The following SLC35F1 variants were observed in gnomAD, a reference collection of about 807,000 sequenced individuals.
The protein encoded by SLC35F1 is solute carrier family 35 member F1.
In SLC35F1, 14 loss-of-function variants were observed where a neutral mutation model predicts 48.7. The ratio of observed to expected loss-of-function variants is 0.29; its 90% confidence interval spans 0.19 to 0.45. The LOEUF is 0.45. SLC35F1 is among the 20% of genes least tolerant of loss of function. SLC35F1 has a pLI of 1.00. For missense variants in SLC35F1, 404 were observed against 500.0 expected (o/e 0.81, Z 1.83); for synonymous variants, 190 against 202.2 (o/e 0.94, Z 0.51).
chr6:118,308,577 A>G (rs1776338700), intron 7 of SLC35F1, among the ~76,000 whole-genome samples: 1 of 152,196 alleles, frequency 6.6e-6, no homozygotes. Flanking sequence ...TGCAGATTCC[A>G]AGACTCTACC....
At chr6:117,990,082 T>C (rs1402647431) in intron 1 of SLC35F1, among the ~76,000 whole-genome samples, 7 of 152,166 alleles carry the variant, frequency 4.6e-5, no homozygotes, top group Non-Finnish European at 1.0e-4. Context: ...TGAGAGTTTT[T>C]ATTTCCCTTG....
At chr6:117,971,164 A>C (rs545743196) in intron 1 of SLC35F1, among the ~76,000 whole-genome samples, 89 of 152,320 alleles carry the variant, frequency 5.8e-4, no homozygotes, top group African/African-American at 1.7e-3. Flanking sequence ...AAGTGGGAGA[A>C]ATTGGCCAAA....
At chr6:118,270,019 C>A (rs1450780348) in intron 4 of SLC35F1, among the ~76,000 whole-genome samples, 1 of 152,196 alleles carries the variant, frequency 6.6e-6, no homozygotes, top group African/African-American at 2.4e-5. Context: ...CAGAGCAAGA[C>A]TCTACCTCAA....
chr6:118,139,136 G>A (rs897074018), intron 1 of SLC35F1, among the ~76,000 whole-genome samples: 13 of 151,878 alleles, frequency 8.6e-5, no homozygotes, highest in Non-Finnish European at 1.8e-4. Flanking sequence ...TTTTTGAGAC[G>A]GAGTCTCGCT....
intron 1 of SLC35F1, among the ~76,000 whole-genome samples, chr6:118,011,823 C>T (rs1207875967): frequency 2.0e-5 from 3 of 152,092 alleles, no homozygotes; most frequent in African/African-American, 7.2e-5. Flanking sequence ...ACAGAATTAT[C>T]CAGCTCAAAT....
At chr6:118,208,156 A>G (rs1582730332) in intron 2 of SLC35F1, among the ~76,000 whole-genome samples, 2 of 151,916 alleles carry the variant, frequency 1.3e-5, no homozygotes, top group East Asian at 1.9e-4. Context: ...CCTCTGCTGC[A>G]GTGGTACCCC....
intron 1 of SLC35F1, among the ~76,000 whole-genome samples, chr6:118,103,360 C>T (rs1324274401): frequency 6.6e-6 from 1 of 152,178 alleles, no homozygotes; most frequent in Non-Finnish European, 1.5e-5. Flanking sequence ...TGTTGATGTG[C>T]TGCACCCATT....
At chr6:118,037,016 G>T (rs980173654) in intron 1 of SLC35F1, among the ~76,000 whole-genome samples, 1 of 152,076 alleles carries the variant, frequency 6.6e-6, no homozygotes, top group African/African-American at 2.4e-5. Context: ...TCTCTACTCT[G>T]TTTTCTGATG....
intron 1 of SLC35F1, among the ~76,000 whole-genome samples, chr6:117,980,043 C>CT (rs1489723688): frequency 1.8e-4 from 27 of 152,098 alleles, no homozygotes; most frequent in African/African-American, 5.6e-4. Flanking sequence ...GCCTCTGATT[C>CT]TTTTTACTCA....
chr6:118,296,716 A>G (rs1761620), intron 7 of SLC35F1, among the ~76,000 whole-genome samples: 16,194 of 152,236 alleles, frequency 0.11, 957 homozygotes, highest in Middle Eastern at 0.19. Flanking sequence ...GGCTAGAGGT[A>G]CTGCAGAAGT....
chr6:118,071,253 A>G (rs566275847), intron 1 of SLC35F1, among the ~76,000 whole-genome samples: 1 of 149,508 alleles, frequency 6.7e-6, no homozygotes, highest in South Asian at 2.1e-4. Context: ...TACTGCTTAC[A>G]GTATTGCTAT....
chr6:118,062,728 A>G (rs905149376), intron 1 of SLC35F1, among the ~76,000 whole-genome samples: 59 of 152,298 alleles, frequency 3.9e-4, no homozygotes, highest in African/African-American at 1.4e-3. Context: ...GAAATATTGA[A>G]AAAAACCCTT....
intron 1 of SLC35F1, among the ~76,000 whole-genome samples, chr6:117,973,347 C>A (rs1776667083): frequency 6.6e-6 from 1 of 152,118 alleles, no homozygotes; most frequent in South Asian, 2.1e-4. Context: ...GGGGTTAGGA[C>A]TTCAACATAT....
intron 3 of SLC35F1, among the ~76,000 whole-genome samples, chr6:118,262,307 G>A (rs766736493): frequency 1.6e-4 from 25 of 152,186 alleles, no homozygotes; most frequent in South Asian, 2.1e-4. Flanking sequence ...GATGGGATGC[G>A]TGTGTGCAGG....
chr6:118,147,873 A>G (rs1773999016), intron 1 of SLC35F1, among the ~76,000 whole-genome samples: 1 of 152,230 alleles, frequency 6.6e-6, no homozygotes, highest in Admixed American at 6.5e-5. Flanking sequence ...AAGTCCATGA[A>G]TGCAGAATGT....
intron 2 of SLC35F1, among the ~76,000 whole-genome samples, chr6:118,189,991 A>C (rs1005878805): frequency 1.3e-5 from 2 of 152,214 alleles, no homozygotes; most frequent in Non-Finnish European, 2.9e-5. Context: ...TTAAGTTTTC[A>C]ATCTTGTCTA....
In SLC35F1 at chr6:118,235,492, T is replaced by C. The variant is rs991445712; in HGVS notation, c.350-17T>C. On this transcript the variant is annotated splice_polypyrimidine_tract_variant and intron_variant, in intron 2 of 7. Transcript: ENST00000360388. ...TTTCAGGAACCTAACCCATTTCTTC[T>C]TAACTTTGTAACACAGGAGAAGAAA... 2 of 1,610,824 alleles carry C rather than the reference T, an allele frequency of 1.2e-6. No individual in the cohort carries two copies. Among genetic ancestry groups the C allele is most frequent in the Middle Eastern group, 1.7e-4 (1 of 6,032 alleles).
intron 1 of SLC35F1, among the ~76,000 whole-genome samples, chr6:118,087,224 T>G (rs372101582): frequency 8.6e-4 from 131 of 152,220 alleles, no homozygotes; most frequent in African/African-American, 3.0e-3. Flanking sequence ...CCTTGTGTCT[T>G]CACATCATCC....
At chr6:118,298,416 C>T (rs1776217548) in intron 7 of SLC35F1, among the ~76,000 whole-genome samples, 1 of 152,060 alleles carries the variant, frequency 6.6e-6, no homozygotes, top group South Asian at 2.1e-4. Flanking sequence ...AGGAGTATAA[C>T]CCCCTTGTGA....
Sources: gnomAD v4.1 joint callset for allele counts (sites outside exome capture counted in the v4.1 genomes callset) on GRCh38, gnomAD v4.1.1 for gene constraint, MANE v1.5 for transcripts, NCBI Gene and HGNC (gene_info 2026-07-23, HGNC 2026-07-21) for gene names.